ADAM15: variants seen among roughly 807,000 people sequenced by gnomAD.
The protein encoded by ADAM15 is disintegrin and metalloproteinase domain-containing protein 15.
A neutral mutation model predicts 113.8 loss-of-function variants in ADAM15; 77 were observed. The observed-to-expected ratio is 0.68, with a 90% confidence interval of 0.56 to 0.82. The LOEUF is 0.82. ADAM15 is among the 40% of genes least tolerant of loss of function. ADAM15 has a pLI of 0.00. For synonymous variants in ADAM15, 388 were observed against 454.1 expected, an observed-to-expected ratio of 0.85 and a Z score of 1.85; for missense variants, 963 against 1,120.1, an observed-to-expected ratio of 0.86 and a Z score of 2.00.
Position 155,062,141 on chromosome 1 carries a change from C to T in ADAM15, c.2425-104C>T. 3 of 1,447,260 alleles carry T rather than the reference C, an allele frequency of 2.1e-6. No homozygotes were observed. The highest frequency in any genetic ancestry group is 2.7e-6 in the Non-Finnish European group (3 of 1,099,380). The allele number at this position is 1,447,260 out of a possible 1,614,324, so 89.7% of individuals were successfully genotyped here. A position where few individuals can be genotyped will look rare whatever the true frequency, so the allele number is the denominator to read the frequency against. ...AGGTTTGTTTGCAGACAAGGGTGACCGCTGGTGCTGCCCCCAAGCTGGTGT... is the reference window on the plus strand; with the variant it reads ...AGGTTTGTTTGCAGACAAGGGTGACTGCTGGTGCTGCCCCCAAGCTGGTGT... On this transcript the variant is annotated intron_variant, in intron 21 of 22. Transcript: ENST00000356955. The surrounding 1 kb of genome is among the most constrained non-coding windows in gnomAD (Gnocchi z 7.0).
At chr1:155,054,025 G>A in intron 4 of ADAM15, 37 bp downstream of exon 4, 1 of 1,613,582 alleles carries the variant, frequency 6.2e-7, no homozygotes, top group Non-Finnish European at 8.5e-7. Context: ...TTGGCTTAGG[G>A]GAAAGAGGGA....
In ADAM15 at chr1:155,057,149, G is replaced by C; in HGVS notation, c.1149-39G>C. 6.3e-7 allele frequency: 1 copy of C among 1,594,486 alleles called. No individual in the cohort carries two copies. The highest frequency in any genetic ancestry group is 8.6e-7 in the Non-Finnish European group (1 of 1,167,706). On this transcript the variant is annotated intron_variant, in intron 11 of 22. Transcript: ENST00000356955. This position sits in a 1 kb window ranked among gnomAD's most constrained non-coding sequence, Gnocchi z 5.0. The stretch of plus-strand genomic sequence containing the variant: ...GAGGGTGTGGGGCAGGGGGCAGGGA[G>C]AGGCCCCCAGCCCCAACCTTCCTTG...
Position 155,058,248 on chromosome 1 carries a change from A to G in ADAM15, c.1724A>G (p.Asp575Gly), listed in dbSNP as rs1398159267. Residue 575 changes from aspartate (D) to glycine (G), a missense_variant and splice_region_variant, in exon 15 of 23, where the codon GAT (aspartate) becomes GGT (glycine). Physicochemically the swap from Asp to Gly is moderately conservative, Grantham distance 94. Coordinates refer to ENST00000356955, the MANE Select transcript of ADAM15 (RefSeq NM_207197.3). This position sits in a 1 kb window ranked among gnomAD's most constrained non-coding sequence, Gnocchi z 4.3. ...SGSYVSCTPRDAICGQLQCQT... is the reference protein window; with the variant it reads ...SGSYVSCTPRGAICGQLQCQT... ...TGTGCCCTTCCCCCTCCCCACAGAG[A>G]TGCCATTTGTGGGCAGCTCCAGTGC... The G allele has an allele frequency of 1.2e-6, 2 of 1,613,918 alleles. No homozygotes were observed. Among genetic ancestry groups the G allele is most frequent in the South Asian group, 2.2e-5 (2 of 91,088 alleles).
chr1:155,057,292 C>G lies in ADAM15; in HGVS notation c.1253C>G (p.Pro418Arg), dbSNP rs1661899262. 1 of 1,614,190 alleles carries G rather than the reference C, an allele frequency of 6.2e-7. No individual in the cohort carries two copies. Residue 418 changes from proline (P) to arginine (R), a missense_variant, in exon 12 of 23, where the codon CCC becomes CGC. Coordinates refer to ENST00000356955, the MANE Select transcript of ADAM15 (RefSeq NM_207197.3). This position sits in a 1 kb window ranked among gnomAD's most constrained non-coding sequence, Gnocchi z 5.0. ...CTCTTCGAACGGCTGCCTAGCCTAC[C>G]CCCTATGGCTGCTTTCTGCGGAAAT... The part of the protein sequence containing the change: ...SCLFERLPSL[P>R]PMAAFCGNMF...
In ADAM15 at chr1:155,061,930, C is replaced by A; in HGVS notation, c.2379C>A (p.Pro793=). ...LQAELADRPN[P]PTRPLPADPV... ...CTGAGCTGGCTGACCGACCCAATCC[C>A]CCTACCCGCCCTCTGCCCGCTGACC... The change falls in exon 21 of 23, where the codon CCC becomes CCA. Residue 793 remains proline (P), a synonymous_variant. Transcript: ENST00000356955. 6.4e-7 allele frequency: 1 copy of A among 1,571,816 alleles called. No homozygotes were observed. Among genetic ancestry groups the A allele is most frequent in the South Asian group, 1.2e-5 (1 of 86,118 alleles).
At chr1:155,061,153 A>C (rs1662540041) in intron 19 of ADAM15, 3 of 578,350 alleles carry the variant, frequency 5.2e-6, no homozygotes, top group Non-Finnish European at 9.3e-6. Flanking sequence ...GGTGCTCAGA[A>C]TGGCCTTCCG....
At chr1:155,054,254 G>C in intron 5 of ADAM15, 28 bp downstream of exon 5, 1 of 1,586,432 alleles carries the variant, frequency 6.3e-7, no homozygotes, top group Non-Finnish European at 8.6e-7. Flanking sequence ...AATGACAGTA[G>C]AGAAAGTAAG....
chr1:155,056,937 C>A lies in ADAM15; in HGVS notation c.1000-16C>A. The A allele has an allele frequency of 5.8e-6, 9 of 1,541,196 alleles. No homozygotes were observed. The highest frequency in any genetic ancestry group is 7.0e-6 in the Non-Finnish European group (8 of 1,143,428). On this transcript the variant is annotated splice_polypyrimidine_tract_variant and intron_variant, in intron 10 of 22. Coordinates refer to ENST00000356955, the MANE Select transcript of ADAM15 (RefSeq NM_207197.3). The surrounding 1 kb of genome is among the most constrained non-coding windows in gnomAD (Gnocchi z 4.0). ...CAGGCTGGGACTGGACCTACAGTAC[C>A]CCTCCCCAATGACAGGACCACTCCA...
rs773196353 is a variant in ADAM15 at position 155,052,588 on chromosome 1, C to A, written c.80-83C>A. 9.7e-6 allele frequency: 15 copies of A among 1,552,116 alleles called. No individual in the cohort carries two copies. The South Asian group carries it at 1.8e-4, about 18-fold the overall frequency. Reference sequence around the variant, plus strand: ...CCTAAGGGTCTTGATGGGCTGGGAGCTGGTGGATCTGAGGGCACCTGTCAC... The same window carrying A: ...CCTAAGGGTCTTGATGGGCTGGGAGATGGTGGATCTGAGGGCACCTGTCAC... On this transcript the variant is annotated intron_variant, in intron 1 of 22. Transcript: ENST00000356955.
Position 155,051,445 on chromosome 1 carries a change from C to T in ADAM15, c.59C>T (p.Ser20Phe). The change falls in exon 1 of 23, where the codon TCC becomes TTC. Residue 20 changes from serine (S) to phenylalanine (F), a missense_variant. Transcript: ENST00000356955. ...GLLGAGSPLP[S>F]WPLPNIGGTE... ...CTGGGCGCGGGCAGCCCTCTGCCTT[C>T]CTGGCCGCTCCCAAATATAGGTGAG... The T allele has an allele frequency of 6.4e-7, 1 of 1,567,976 alleles. No homozygotes were observed. Among genetic ancestry groups the T allele is most frequent in the Non-Finnish European group, 8.6e-7 (1 of 1,162,098 alleles).
At position 155,056,062 on chromosome 1, in the gene ADAM15, G is replaced by A. The variant is rs544227673; in HGVS notation, c.745-18G>A. On this transcript the variant is annotated intron_variant, in intron 8 of 22. Coordinates refer to ENST00000356955, the MANE Select transcript of ADAM15 (RefSeq NM_207197.3). The surrounding 1 kb of genome is among the most constrained non-coding windows in gnomAD (Gnocchi z 4.0). Reference sequence around the variant, plus strand: ...CTGACCATGGCAACCCCTCTTCTGAGCCCCAGCTGTCTTTCAGTTCTTCCG... The same window carrying A: ...CTGACCATGGCAACCCCTCTTCTGAACCCCAGCTGTCTTTCAGTTCTTCCG... 3 of 1,612,278 alleles carry A rather than the reference G, an allele frequency of 1.9e-6. No homozygotes were observed. In the African/African-American group the frequency reaches 4.0e-5, roughly 22 times the overall value.
At position 155,061,919 on chromosome 1, in the gene ADAM15, C is replaced by A. The variant is rs905878944; in HGVS notation, c.2368C>A (p.Arg790=). The A allele has an allele frequency of 6.5e-7, 1 of 1,545,804 alleles. No individual in the cohort carries two copies. The highest frequency in any genetic ancestry group is 2.3e-5 in the East Asian group (1 of 43,260). Residue 790 remains arginine, a synonymous_variant, in exon 21 of 23, where the codon CGA becomes AGA. Transcript: ENST00000356955. ...CTCTGTTCAGGCTGAGCTGGCTGAC[C>A]GACCCAATCCCCCTACCCGCCCTCT... ...SKRLQAELAD[R]PNPPTRPLPA...
chr1:155,057,276 C>A lies in ADAM15; in HGVS notation c.1237C>A (p.Arg413=). 6.2e-7 allele frequency: 1 copy of A among 1,614,186 alleles called. No homozygotes were observed. Among genetic ancestry groups the A allele is most frequent in the Non-Finnish European group, 8.5e-7 (1 of 1,180,022 alleles). ...LDGMGSCLFE[R]LPSLPPMAAF... ...TGGAATGGGCAGCTGCCTCTTCGAA[C>A]GGCTGCCTAGCCTACCCCCTATGGC... The change falls in exon 12 of 23, where the codon CGG becomes AGG. Residue 413 remains arginine, a synonymous_variant. Coordinates refer to ENST00000356955, the MANE Select transcript of ADAM15 (RefSeq NM_207197.3). The surrounding 1 kb of genome is among the most constrained non-coding windows in gnomAD (Gnocchi z 5.0).
rs1285470422 is a variant in ADAM15, at chr1:155,058,653, C to G, written c.1918-57C>G. ...GTATGGCCTCAACCTTATTGGCCTCCCAGTCCCATTAAAGCTTTGTGGGAA... is the reference window on the plus strand; with the variant it reads ...GTATGGCCTCAACCTTATTGGCCTCGCAGTCCCATTAAAGCTTTGTGGGAA... On this transcript the variant is annotated intron_variant, in intron 15 of 22. Transcript: ENST00000356955. This position sits in a 1 kb window ranked among gnomAD's most constrained non-coding sequence, Gnocchi z 4.3. 6.3e-7 allele frequency: 1 copy of G among 1,582,156 alleles called. No individual in the cohort carries two copies. The highest frequency in any genetic ancestry group is 8.6e-7 in the Non-Finnish European group (1 of 1,165,194).
Position 155,057,816 on chromosome 1 carries a change from C to A in ADAM15, c.1417-35C>A, listed in dbSNP as rs1226005253. 2 of 1,613,052 alleles carry A rather than the reference C, an allele frequency of 1.2e-6. No individual in the cohort carries two copies. The highest frequency in any genetic ancestry group is 1.3e-5 in the African/African-American group (1 of 75,030). On this transcript the variant is annotated intron_variant, in intron 13 of 22. Coordinates refer to ENST00000356955, the MANE Select transcript of ADAM15 (RefSeq NM_207197.3). The surrounding 1 kb of genome is among the most constrained non-coding windows in gnomAD (Gnocchi z 5.0). ...ATTCTGACCCCCGGCTGGATTTGCT[C>A]AGTGCCCACACTGATGCTCATCCAC...
chr1:155,052,661 G>A lies in ADAM15; in HGVS notation c.80-10G>A. ...CTCAGTACTGTCTTGGGGTGTCCTG[G>A]GACCTGCAGGTGGCACTGAGGAGCA... On this transcript the variant is annotated splice_polypyrimidine_tract_variant and intron_variant, in intron 1 of 22. Transcript: ENST00000356955. The A allele has an allele frequency of 1.3e-6, 2 of 1,596,528 alleles. No homozygotes were observed. Among genetic ancestry groups the A allele is most frequent in the South Asian group, 1.1e-5 (1 of 88,134 alleles).
chr1:155,062,305 C>T lies in ADAM15; in HGVS notation c.2485C>T (p.Arg829Trp). The T allele has an allele frequency of 1.3e-6, 2 of 1,501,896 alleles. No individual in the cohort carries two copies. Among genetic ancestry groups the T allele is most frequent in the Admixed American group, 2.2e-5 (1 of 45,734 alleles). The allele number at this position is 1,501,896 out of a possible 1,614,324, so 93.0% of individuals were successfully genotyped here. The change falls in exon 22 of 23, where the codon CGG becomes TGG. Residue 829 changes from arginine to tryptophan, a missense_variant. By Grantham distance (101) the Arg-to-Trp change is moderately radical. Transcript: ENST00000356955. This position sits in a 1 kb window ranked among gnomAD's most constrained non-coding sequence, Gnocchi z 7.0. Reference protein sequence around the residue: ...RKPLPADPQGRCPSGDLPGPG... With the variant: ...RKPLPADPQGWCPSGDLPGPG... Reference sequence around the variant, plus strand: ...GCCACTGCCTGCCGACCCCCAGGGCCGGTGCCCATCGGGTGACCTGCCCGG... The same window carrying T: ...GCCACTGCCTGCCGACCCCCAGGGCTGGTGCCCATCGGGTGACCTGCCCGG...
intron 6 of ADAM15, among the ~76,000 whole-genome samples, chr1:155,055,218 A>AATTATT (rs71077976): frequency 0.01 from 1,495 of 148,268 alleles, 27 homozygotes; most frequent in African/African-American, 0.034. Flanking sequence ...GATTTTTAAA[A>AATTATT]ATTATTATTA....
intron 16 of ADAM15, among the ~76,000 whole-genome samples, chr1:155,059,128 C>T (rs1248120321): frequency 1.3e-5 from 2 of 152,254 alleles, no homozygotes; most frequent in African/African-American, 2.4e-5. Flanking sequence ...AGTGCGCTGG[C>T]GTGATCTCGG....
Sources: allele counts gnomAD v4.1 joint callset (sites outside exome capture counted in the v4.1 genomes callset), GRCh38; gene constraint gnomAD v4.1.1; non-coding constraint Gnocchi (gnomAD v3.1); transcripts MANE v1.5; gene names NCBI Gene and HGNC (gene_info 2026-07-23, HGNC 2026-07-21).